The following CDH8 variants were observed in gnomAD, a reference collection of about 807,000 sequenced individuals.
The protein encoded by CDH8 is cadherin 8.
A neutral mutation model predicts 68.1 loss-of-function variants in CDH8; 17 were observed. The observed-to-expected ratio is 0.25, with a 90% CI of 0.17 to 0.37. CDH8 has a LOEUF of 0.37. Among genes scored for constraint, CDH8 ranks in the 10% least tolerant of loss-of-function variants. CDH8 has a pLI of 1.00. For synonymous variants in CDH8, 372 were observed against 365.1 expected (o/e 1.02, Z -0.21); for missense variants, 763 against 999.3 (o/e 0.76, Z 3.19).
chr16:61,912,164 T>C (rs1597059800), intron 2 of CDH8, among the ~76,000 whole-genome samples: 1 of 152,100 alleles, frequency 6.6e-6, no homozygotes, highest in South Asian at 2.1e-4. Context: ...TCCGTATTTA[T>C]AAAAGGAGTA....
Position 61,894,206 on chromosome 16 carries a change from G to A in CDH8, c.547+6973C>T, listed in dbSNP as rs566452373. 4.8e-4 allele frequency among the ~76,000 whole-genome samples: 73 copies of A among 152,248 alleles called. 1 individual carries two copies. Among genetic ancestry groups the A allele is most frequent in the Admixed American group, 1.2e-3 (19 of 15,292 alleles). ...GTAAGGCATTATCTGTGATAGTCTT[G>A]TCAAAAATGCATATTCTGTATCTAA... On this transcript the variant is annotated intron_variant, in intron 3 of 11. Transcript: ENST00000577390.
At chr16:61,911,047 G>A (rs1027595704) in intron 2 of CDH8, among the ~76,000 whole-genome samples, 14 of 152,056 alleles carry the variant, frequency 9.2e-5, no homozygotes, top group Non-Finnish European at 1.5e-4. Context: ...GAGGGTGGTC[G>A]ATGTGCACTG....
intron 4 of CDH8, among the ~76,000 whole-genome samples, chr16:61,834,186 A>ATT (rs1962519611): frequency 2.0e-5 from 3 of 152,004 alleles, no homozygotes; most frequent in South Asian, 2.1e-4. Flanking sequence ...ACCACTTGAA[A>ATT]ACTATTAATA....
At chr16:61,895,017 C>A (rs1963845262) in intron 3 of CDH8, among the ~76,000 whole-genome samples, 1 of 152,022 alleles carries the variant, frequency 6.6e-6, no homozygotes, top group Non-Finnish European at 1.5e-5. Context: ...TATCACATAG[C>A]TCTTCATTAA....
intron 7 of CDH8, among the ~76,000 whole-genome samples, chr16:61,812,489 C>A (rs1443805490): frequency 6.6e-6 from 1 of 152,040 alleles, no homozygotes; most frequent in African/African-American, 2.4e-5. Flanking sequence ...AAGGTGAATG[C>A]TTGGGAAACA....
At chr16:61,750,213 A>AT (rs1285988754) in intron 8 of CDH8, among the ~76,000 whole-genome samples, 1 of 152,014 alleles carries the variant, frequency 6.6e-6, no homozygotes, top group Non-Finnish European at 1.5e-5. Flanking sequence ...GTACTGGCAC[A>AT]TTTTGGCTCA....
chr16:61,907,985 G>A (rs188476492), intron 2 of CDH8, among the ~76,000 whole-genome samples: 82 of 148,382 alleles, frequency 5.5e-4, no homozygotes, highest in African/African-American at 2.0e-3. Flanking sequence ...GGAGCTTGCA[G>A]TGAGCCAATA....
intron 2 of CDH8, among the ~76,000 whole-genome samples, chr16:61,965,680 T>C (rs1403961329): frequency 6.6e-6 from 1 of 152,180 alleles, no homozygotes; most frequent in East Asian, 1.9e-4. Flanking sequence ...AAGAAACATA[T>C]ACACAAAAGC....
rs1385952323 is a variant in CDH8, at chr16:61,959,984, G to GTGTATATATA, written c.253-58512_253-58511insTATATATACA. On this transcript the variant is annotated intron_variant, in intron 2 of 11. Coordinates refer to ENST00000577390, the MANE Select transcript of CDH8 (RefSeq NM_001796.5). ...GTATGTGGTGTATGTGTGTGTGTGT[G>GTGTATATATA]TATATATATATATATATATATATAT... is the stretch of plus-strand genomic sequence containing the variant. 7.9e-3 allele frequency among the ~76,000 whole-genome samples: 353 copies of GTGTATATATA among 44,520 alleles called. 20 individuals carry two copies. The highest frequency in any genetic ancestry group is 0.032 in the East Asian group (28 of 874). 29.2% of individuals were successfully genotyped at this position (44,520 alleles called of 152,430 possible).
intron 2 of CDH8, among the ~76,000 whole-genome samples, chr16:61,945,428 A>T (rs1462006188): frequency 7.3e-6 from 1 of 137,134 alleles, no homozygotes; most frequent in African/African-American, 2.9e-5. Flanking sequence ...TTGTGCCTAG[A>T]TGCATGATTA....
intron 8 of CDH8, among the ~76,000 whole-genome samples, chr16:61,768,799 T>G (rs1463799743): frequency 6.6e-6 from 1 of 151,828 alleles, no homozygotes; most frequent in Non-Finnish European, 1.5e-5. Flanking sequence ...CAATGTTATA[T>G]TCAAGATATA....
intron 4 of CDH8, among the ~76,000 whole-genome samples, chr16:61,839,137 T>C (rs1011949025): frequency 6.6e-5 from 10 of 152,114 alleles, no homozygotes; most frequent in African/African-American, 2.2e-4. Flanking sequence ...TTTCCTGAGA[T>C]CCCATAAAAC....
intron 6 of CDH8, among the ~76,000 whole-genome samples, chr16:61,819,297 T>G (rs963718682): frequency 6.6e-6 from 1 of 152,104 alleles, no homozygotes; most frequent in Non-Finnish European, 1.5e-5. Context: ...TCAAGGTGTA[T>G]AGTATATGCT....
intron 4 of CDH8, among the ~76,000 whole-genome samples, chr16:61,848,699 T>C (rs139848220): frequency 6.6e-5 from 10 of 152,190 alleles, no homozygotes; most frequent in Non-Finnish European, 1.5e-4. Flanking sequence ...GTTGGGGGTA[T>C]ACATCTGTAT....
At chr16:61,751,722 C>T (rs1174961205) in intron 8 of CDH8, among the ~76,000 whole-genome samples, 1 of 152,040 alleles carries the variant, frequency 6.6e-6, no homozygotes, top group African/African-American at 2.4e-5. Context: ...TTTCCTTTCC[C>T]TGTCCTTCAC....
At chr16:61,673,232 C>A (rs1292797381) in intron 10 of CDH8, among the ~76,000 whole-genome samples, 1 of 152,150 alleles carries the variant, frequency 6.6e-6, no homozygotes, top group Non-Finnish European at 1.5e-5. Flanking sequence ...AAATTTCTAT[C>A]TTTTTATTTT....
chr16:61,919,063 C>G (rs1191300531), intron 2 of CDH8, among the ~76,000 whole-genome samples: 2 of 146,640 alleles, frequency 1.4e-5, no homozygotes, highest in Non-Finnish European at 3.0e-5. Context: ...ATACTGACAC[C>G]TCACACGGCA....
intron 8 of CDH8, among the ~76,000 whole-genome samples, chr16:61,780,692 A>G (rs1420622707): frequency 6.6e-6 from 1 of 152,204 alleles, no homozygotes; most frequent in Admixed American, 6.5e-5. Flanking sequence ...TCCCCAAGAC[A>G]TGGTCTGTGG....
chr16:61,945,147 C>T (rs572749293), intron 2 of CDH8, among the ~76,000 whole-genome samples: 1 of 152,236 alleles, frequency 6.6e-6, no homozygotes, highest in South Asian at 2.1e-4. Flanking sequence ...TTCTTAAGAA[C>T]TCTGTGATGT....
Sources: gnomAD v4.1 joint callset for allele counts (sites outside exome capture counted in the v4.1 genomes callset) on GRCh38, gnomAD v4.1.1 for gene constraint, MANE v1.5 for transcripts, NCBI Gene and HGNC (gene_info 2026-07-23, HGNC 2026-07-21) for gene names.